Variants in CCSER1 observed in about 807,000 individuals in gnomAD.
CCSER1 encodes the protein coiled-coil serine rich protein 1.
CCSER1 carries 41 observed loss-of-function variants against 82.0 expected under a neutral mutation model. The ratio of observed to expected loss-of-function variants is 0.50; its 90% CI spans 0.39 to 0.65. CCSER1 has a LOEUF of 0.65. Among genes scored for constraint, CCSER1 ranks in the 30% least tolerant of loss-of-function variants. CCSER1 has a pLI of 0.00. For missense variants in CCSER1, 1,119 were observed against 1,064.2 expected, an observed-to-expected ratio of 1.05 and a Z score of -0.72; for synonymous variants, 414 against 383.9, an observed-to-expected ratio of 1.08 and a Z score of -0.92.
chr4:91,033,621 A>G (rs1036021228), intron 9 of CCSER1, among the ~76,000 whole-genome samples: 3 of 152,128 alleles, frequency 2.0e-5, no homozygotes, highest in East Asian at 1.9e-4. Flanking sequence ...TACTCACGCT[A>G]TCATGACCTG....
chr4:91,121,228 C>T (rs1238285643), intron 10 of CCSER1, among the ~76,000 whole-genome samples: 1 of 151,372 alleles, frequency 6.6e-6, no homozygotes, highest in Non-Finnish European at 1.5e-5. Flanking sequence ...TTTCTTGTAA[C>T]ATTTTCCTTC....
At chr4:90,407,752 G>A (rs149972392) in intron 4 of CCSER1, among the ~76,000 whole-genome samples, 1,542 of 152,260 alleles carry the variant, frequency 0.01, 17 homozygotes, top group South Asian at 0.03. Context: ...CTGAGGTACT[G>A]GGTTCATCTC....
chr4:90,484,034 T>A (rs926382439), intron 5 of CCSER1, among the ~76,000 whole-genome samples: 7 of 152,202 alleles, frequency 4.6e-5, no homozygotes, highest in Non-Finnish European at 2.9e-5. Context: ...TTTGGTCTTT[T>A]CACATAGTCA....
intron 10 of CCSER1, among the ~76,000 whole-genome samples, chr4:91,180,426 G>A (rs1733904998): frequency 6.6e-6 from 1 of 152,238 alleles, no homozygotes; most frequent in Non-Finnish European, 1.5e-5. Flanking sequence ...TACAGAGGCA[G>A]GCAGGCCTTC....
At chr4:90,274,991 A>AT (rs553703846) in intron 1 of CCSER1, among the ~76,000 whole-genome samples, 44 of 152,264 alleles carry the variant, frequency 2.9e-4, no homozygotes, top group African/African-American at 1.0e-3. Flanking sequence ...AAAAATGGGA[A>AT]ATTGGTAATC....
At chr4:91,205,066 A>C (rs1736229990) in intron 10 of CCSER1, among the ~76,000 whole-genome samples, 2 of 151,770 alleles carry the variant, frequency 1.3e-5, no homozygotes, top group South Asian at 4.1e-4. Context: ...AACATGTTTC[A>C]AAATTAACTG....
At chr4:90,831,945 G>C (rs893773094) in intron 8 of CCSER1, among the ~76,000 whole-genome samples, 1 of 151,626 alleles carries the variant, frequency 6.6e-6, no homozygotes, top group African/African-American at 2.4e-5. Flanking sequence ...TATATGTTTT[G>C]TATCTTGCTT....
chr4:91,120,277 A>C (rs1726969979), intron 10 of CCSER1, among the ~76,000 whole-genome samples: 1 of 152,018 alleles, frequency 6.6e-6, no homozygotes, highest in Non-Finnish European at 1.5e-5. Flanking sequence ...GTTGGAGCAA[A>C]GTGTGGCTGT....
At chr4:90,576,185 A>T (rs553244152) in intron 5 of CCSER1, among the ~76,000 whole-genome samples, 12 of 151,876 alleles carry the variant, frequency 7.9e-5, no homozygotes, top group African/African-American at 2.4e-4. Context: ...TTGACTTTTC[A>T]ATATTTACTA....
intron 10 of CCSER1, among the ~76,000 whole-genome samples, chr4:91,533,568 G>A (rs181880647): frequency 1.1e-3 from 166 of 152,242 alleles, no homozygotes; most frequent in African/African-American, 3.8e-3. Context: ...CAATTTTGCA[G>A]AAGGCTGGCT....
chr4:90,634,492 T>C (rs1207604443), intron 6 of CCSER1, among the ~76,000 whole-genome samples: 2 of 151,840 alleles, frequency 1.3e-5, no homozygotes, highest in Admixed American at 1.3e-4. Context: ...TTTACAGTGT[T>C]TTCTACTTCA....
intron 9 of CCSER1, chr4:90,938,678 C>T (rs779903000): frequency 1.8e-5 from 7 of 381,300 alleles, no homozygotes; most frequent in African/African-American, 1.2e-4. Context: ...TTTTCAAGGC[C>T]CTGTGGAATC....
chr4:90,567,360 G>A (rs539123284), intron 5 of CCSER1, among the ~76,000 whole-genome samples: 9 of 148,688 alleles, frequency 6.1e-5, no homozygotes, highest in Non-Finnish European at 1.2e-4. Context: ...GCGCCATCTC[G>A]GCTCACTGCA....
At chr4:90,714,626 A>G (rs925740903) in intron 6 of CCSER1, among the ~76,000 whole-genome samples, 2 of 152,012 alleles carry the variant, frequency 1.3e-5, no homozygotes, top group Admixed American at 6.6e-5. Context: ...GCCTCCAAGT[A>G]TCTATATAGC....
At chr4:90,861,926 A>ATATATATTT (rs1486179354) in intron 8 of CCSER1, among the ~76,000 whole-genome samples, 88 of 125,660 alleles carry the variant, frequency 7.0e-4, no homozygotes, top group South Asian at 1.0e-3. Flanking sequence ...ATATATATAT[A>ATATATATTT]TTTTTTTTTT....
intron 9 of CCSER1, among the ~76,000 whole-genome samples, chr4:90,952,980 C>T (rs1007672043): frequency 6.6e-6 from 1 of 151,982 alleles, no homozygotes. Context: ...ATAGTTTCTG[C>T]TTTAATATTG....
intron 10 of CCSER1, among the ~76,000 whole-genome samples, chr4:91,166,128 A>C (rs1397008103): frequency 1.3e-5 from 2 of 152,244 alleles, no homozygotes; most frequent in Non-Finnish European, 1.5e-5. Flanking sequence ...GAGTTACATC[A>C]GATACAGAAG....
chr4:90,898,935 T>C (rs1227119098), intron 8 of CCSER1, among the ~76,000 whole-genome samples: 1 of 152,070 alleles, frequency 6.6e-6, no homozygotes, highest in East Asian at 1.9e-4. Context: ...TAGGCATTTT[T>C]TGGTTCCATG....
chr4:90,306,135 A>G (rs1281282896), intron 1 of CCSER1, among the ~76,000 whole-genome samples: 1 of 152,168 alleles, frequency 6.6e-6, no homozygotes, highest in Non-Finnish European at 1.5e-5. Context: ...AACTCATAGA[A>G]GTAGAAAGTA....
Sources: allele counts gnomAD v4.1 joint callset (sites outside exome capture counted in the v4.1 genomes callset), GRCh38; gene constraint gnomAD v4.1.1; transcripts MANE v1.5; gene names NCBI Gene and HGNC (gene_info 2026-07-23, HGNC 2026-07-21).